The following DLG2 variants were observed in gnomAD, a reference collection of about 807,000 sequenced individuals.
DLG2 encodes discs large MAGUK scaffold protein 2, also known as disks large homolog 2.
In DLG2, 45 loss-of-function variants were observed where a neutral mutation model predicts 132.5. The ratio of observed to expected loss-of-function variants is 0.34; its 90% CI spans 0.27 to 0.44. The LOEUF is 0.44. Ranked by LOEUF, DLG2 falls within the 20% of genes least tolerant of loss-of-function variation. DLG2 has a pLI of 1.00. For missense variants in DLG2, 1,045 were observed against 1,196.9 expected (o/e 0.87, Z 1.87); for synonymous variants, 424 against 419.6 (o/e 1.01, Z -0.13).
At chr11:84,137,418 A>G (rs1258603033) in intron 9 of DLG2, among the ~76,000 whole-genome samples, 1 of 152,046 alleles carries the variant, frequency 6.6e-6, no homozygotes, top group African/African-American at 2.4e-5. Context: ...CATAATTTTC[A>G]GGTGACATGA....
At chr11:84,615,692 A>T (rs1268550026) in intron 6 of DLG2, among the ~76,000 whole-genome samples, 2 of 151,698 alleles carry the variant, frequency 1.3e-5, no homozygotes, top group African/African-American at 4.8e-5. Context: ...GCTATCTATC[A>T]AAATACCACA....
intron 6 of DLG2, among the ~76,000 whole-genome samples, chr11:84,764,949 T>G (rs2068195708): frequency 6.6e-6 from 1 of 152,064 alleles, no homozygotes; most frequent in Non-Finnish European, 1.5e-5. Context: ...CAATAGGTGC[T>G]GGAGAAAACA....
intron 7 of DLG2, among the ~76,000 whole-genome samples, chr11:84,419,037 A>G (rs1370503376): frequency 6.6e-6 from 1 of 152,064 alleles, no homozygotes; most frequent in Non-Finnish European, 1.5e-5. Context: ...GTTCTCTCTT[A>G]TCTGTCCTGG....
chr11:84,434,865 T>C (rs751989351), intron 7 of DLG2, among the ~76,000 whole-genome samples: 6 of 147,022 alleles, frequency 4.1e-5, no homozygotes, highest in Non-Finnish European at 5.9e-5. Flanking sequence ...TGAAGGGCTA[T>C]GGTGAGTTCA....
chr11:84,923,073 T>A, intron 6 of DLG2: 1 of 1,613,994 alleles, frequency 6.2e-7, no homozygotes, highest in Non-Finnish European at 8.5e-7. Context: ...TCGCCTCCTC[T>A]TACCTTCACG....
At chr11:85,085,640 A>C (rs2067823191) in intron 6 of DLG2, among the ~76,000 whole-genome samples, 1 of 152,158 alleles carries the variant, frequency 6.6e-6, no homozygotes, top group East Asian at 1.9e-4. Context: ...TCAAATACTT[A>C]TCCTGTACCA....
chr11:84,007,229 A>AT (rs1215166503), intron 11 of DLG2, among the ~76,000 whole-genome samples: 6 of 151,754 alleles, frequency 4.0e-5, no homozygotes, highest in Non-Finnish European at 8.9e-5. Context: ...TATGGTTCAG[A>AT]TTTATGAAGT....
chr11:84,576,577 A>C lies in DLG2; in HGVS notation c.358-41846T>G, dbSNP rs145004444. Reference sequence around the variant, plus strand: ...GAGTACAACATATTGCAGTCACTTAATAAGGTCCTGTTAACACCAAAAGAC... The same window carrying C: ...GAGTACAACATATTGCAGTCACTTACTAAGGTCCTGTTAACACCAAAAGAC... On this transcript the variant is annotated intron_variant, in intron 6 of 27. Coordinates refer to ENST00000376104, the MANE Select transcript of DLG2 (RefSeq NM_001142699.3). Among the ~76,000 whole-genome samples, 3 of 152,318 alleles carry C rather than the reference A, an allele frequency of 2.0e-5. No homozygotes were observed. The East Asian group carries it at 5.8e-4, about 29-fold the overall frequency.
intron 12 of DLG2, among the ~76,000 whole-genome samples, chr11:83,980,225 A>C (rs1488198851): frequency 3.3e-5 from 5 of 152,142 alleles, no homozygotes; most frequent in Non-Finnish European, 7.3e-5. Context: ...AGAAAGAGAG[A>C]GACAGATCTC....
chr11:85,621,219 A>G (rs915955457), intron 2 of DLG2, among the ~76,000 whole-genome samples: 29 of 58,280 alleles, frequency 5.0e-4, no homozygotes, highest in African/African-American at 2.7e-3. Flanking sequence ...ACTACTCAGA[A>G]AAAAAAAAAA....
Position 84,504,041 on chromosome 11 carries a change from A to G in DLG2, c.519+30529T>C, listed in dbSNP as rs1412457757. 2.6e-5 allele frequency among the ~76,000 whole-genome samples: 4 copies of G among 152,184 alleles called. No individual in the cohort carries two copies. In the East Asian group the frequency reaches 7.7e-4, roughly 29 times the overall value. ...TTTTTCCCAACACAGCTTTAATATT[A>G]TTGTTGAAAATAATAACAAAAATAG... is the stretch of plus-strand genomic sequence containing the variant. On this transcript the variant is annotated intron_variant, in intron 7 of 27. Transcript: ENST00000376104.
At chr11:84,954,009 C>T (rs756780462) in intron 6 of DLG2, among the ~76,000 whole-genome samples, 7 of 152,100 alleles carry the variant, frequency 4.6e-5, no homozygotes, top group Non-Finnish European at 8.8e-5. Context: ...TCTCTTTACA[C>T]GTATCCTGTA....
intron 3 of DLG2, among the ~76,000 whole-genome samples, chr11:85,527,857 G>A (rs56273824): frequency 0.18 from 27,507 of 152,026 alleles, 2,773 homozygotes; most frequent in East Asian, 0.28. Context: ...CACCAGCAAC[G>A]GTTGTTTCCT....
At chr11:83,866,741 T>C (rs1035391377) in intron 16 of DLG2, among the ~76,000 whole-genome samples, 1 of 152,098 alleles carries the variant, frequency 6.6e-6, no homozygotes, top group Non-Finnish European at 1.5e-5. Flanking sequence ...GTCCAGAAAA[T>C]AGGGAGTATT....
chr11:84,840,448 C>A (rs1330256976), intron 6 of DLG2, among the ~76,000 whole-genome samples: 1 of 152,120 alleles, frequency 6.6e-6, no homozygotes, highest in Non-Finnish European at 1.5e-5. Flanking sequence ...CCTCAAGGAT[C>A]TAGAAATAGA....
intron 6 of DLG2, among the ~76,000 whole-genome samples, chr11:84,589,327 C>T (rs1593081634): frequency 6.6e-6 from 1 of 151,912 alleles, no homozygotes; most frequent in East Asian, 1.9e-4. Flanking sequence ...ATTTCTACAC[C>T]CTAAGTGTAT....
chr11:84,093,643 C>A, intron 10 of DLG2, among the ~76,000 whole-genome samples: 1 of 151,870 alleles, frequency 6.6e-6, no homozygotes, highest in South Asian at 2.1e-4. Flanking sequence ...GAGATGGGGT[C>A]TCGCTCTGTT....
intron 15 of DLG2, among the ~76,000 whole-genome samples, chr11:83,895,732 G>T (rs915528382): frequency 6.6e-6 from 1 of 152,154 alleles, no homozygotes; most frequent in African/African-American, 2.4e-5. Context: ...TTCAGGAAAA[G>T]AATTTGCAAG....
At chr11:84,193,147 A>C (rs1484105551) in intron 8 of DLG2, among the ~76,000 whole-genome samples, 1 of 152,208 alleles carries the variant, frequency 6.6e-6, no homozygotes, top group Non-Finnish European at 1.5e-5. Context: ...GACATTATTA[A>C]TGGAATCCTA....
Sources: gnomAD v4.1 joint callset for allele counts (sites outside exome capture counted in the v4.1 genomes callset) on GRCh38, gnomAD v4.1.1 for gene constraint, MANE v1.5 for transcripts, NCBI Gene and HGNC (gene_info 2026-07-23, HGNC 2026-07-21) for gene names.